SLC4A4: variants seen among roughly 807,000 people sequenced by gnomAD.
The protein encoded by SLC4A4 is solute carrier family 4 member 4.
Under a neutral mutation model 111.5 loss-of-function variants are expected in SLC4A4, and 27 were observed. That is an observed-to-expected ratio of 0.24 (90% CI 0.18 to 0.33). The LOEUF is 0.33. Among genes scored for constraint, SLC4A4 ranks in the 10% least tolerant of loss-of-function variants. The pLI is 1.00. For synonymous variants in SLC4A4, 443 were observed against 463.4 expected, an observed-to-expected ratio of 0.96 and a Z score of 0.57; for missense variants, 909 against 1,315.5, an observed-to-expected ratio of 0.69 and a Z score of 4.78.
chr4:71,234,581 G>A (rs1316629429), intron 1 of SLC4A4, among the ~76,000 whole-genome samples: 2 of 152,074 alleles, frequency 1.3e-5, no homozygotes, highest in South Asian at 2.1e-4. Context: ...GTGTGCCACC[G>A]TGCCTGCTAA....
At chr4:71,406,320 C>T (rs1228913109) in intron 7 of SLC4A4, among the ~76,000 whole-genome samples, 2 of 13,718 alleles carry the variant, frequency 1.5e-4, no homozygotes, top group Admixed American at 4.7e-4. Context: ...GATGAGCCAA[C>T]ACTTTTTTTT....
At chr4:71,418,364 G>A (rs568746767) in intron 7 of SLC4A4, among the ~76,000 whole-genome samples, 2 of 152,268 alleles carry the variant, frequency 1.3e-5, no homozygotes, top group Admixed American at 1.3e-4. Context: ...AAGTAGAAGA[G>A]TATTCAAAAA....
intron 1 of SLC4A4, among the ~76,000 whole-genome samples, chr4:71,194,096 A>G (rs573974319): frequency 2.6e-5 from 4 of 152,324 alleles, no homozygotes; most frequent in East Asian, 3.9e-4. Context: ...CCAATGACCA[A>G]TGGAGATTTG....
chr4:71,282,328 T>G (rs1723587746), intron 3 of SLC4A4, among the ~76,000 whole-genome samples: 1 of 151,864 alleles, frequency 6.6e-6, no homozygotes, highest in Non-Finnish European at 1.5e-5. Flanking sequence ...AGTTTTGCTC[T>G]TGTTGCCCAG....
At chr4:71,402,564 G>T (rs994506598) in intron 7 of SLC4A4, among the ~76,000 whole-genome samples, 1 of 152,176 alleles carries the variant, frequency 6.6e-6, no homozygotes, top group Admixed American at 6.5e-5. Flanking sequence ...TATAATAATT[G>T]TCTTTAGCAT....
chr4:71,294,810 A>G (rs1193193923), intron 3 of SLC4A4, among the ~76,000 whole-genome samples: 2 of 152,224 alleles, frequency 1.3e-5, no homozygotes, highest in East Asian at 1.9e-4. Flanking sequence ...TGCTAGTGAT[A>G]TGTAAAGAAT....
chr4:71,398,229 G>A (rs1038904235), intron 7 of SLC4A4, among the ~76,000 whole-genome samples: 8 of 150,386 alleles, frequency 5.3e-5, no homozygotes, highest in African/African-American at 2.0e-4. Flanking sequence ...AGGTTGCATT[G>A]CACTGAGATC....
chr4:71,064,927 G>A (rs937021237), intron 1 of SLC4A4, among the ~76,000 whole-genome samples: 2 of 152,140 alleles, frequency 1.3e-5, no homozygotes, highest in Non-Finnish European at 2.9e-5. Flanking sequence ...ATTCAATAAG[G>A]TATCCATGCA....
intron 20 of SLC4A4, among the ~76,000 whole-genome samples, chr4:71,551,519 AAAAATTGTCTCTCTTTTACACATAAG>A (rs1309292150): frequency 6.6e-6 from 1 of 151,908 alleles, no homozygotes; most frequent in Non-Finnish European, 1.5e-5. Flanking sequence ...GACACCTACA[AAAAATTGTCTCTCTTTTACACATAAG>A]AAAATTTATT....
chr4:71,540,814 T>A (rs1228724082), intron 18 of SLC4A4, among the ~76,000 whole-genome samples: 2 of 152,124 alleles, frequency 1.3e-5, no homozygotes, highest in Non-Finnish European at 2.9e-5. Flanking sequence ...TATCCAAAGA[T>A]ATGAGCAAAT....
chr4:71,184,405 C>T (rs1221872572), upstream of SLC4A4, among the ~76,000 whole-genome samples: 1 of 152,098 alleles, frequency 6.6e-6, no homozygotes, highest in East Asian at 1.9e-4. Flanking sequence ...TGCTTGTCAT[C>T]GAAACAAAGG....
chr4:71,317,853 T>C (rs531988102), intron 3 of SLC4A4, among the ~76,000 whole-genome samples: 1 of 152,236 alleles, frequency 6.6e-6, no homozygotes, highest in South Asian at 2.1e-4. Flanking sequence ...TGAATACATA[T>C]CATATATGAA....
chr4:71,090,123 C>T (rs1742338269), intron 1 of SLC4A4, among the ~76,000 whole-genome samples: 1 of 152,070 alleles, frequency 6.6e-6, no homozygotes, highest in South Asian at 2.1e-4. Context: ...GCCTCGCTGC[C>T]ACCTTGCAGT....
intron 7 of SLC4A4, among the ~76,000 whole-genome samples, chr4:71,408,644 A>G (rs1000732634): frequency 2.0e-5 from 3 of 152,204 alleles, no homozygotes; most frequent in Non-Finnish European, 2.9e-5. Context: ...TTGAATGCAC[A>G]TTACTCTTGT....
chr4:71,181,630 C>T (rs1244821845), intron 2 of SLC4A4, among the ~76,000 whole-genome samples: 1 of 152,058 alleles, frequency 6.6e-6, no homozygotes, highest in Non-Finnish European at 1.5e-5. Flanking sequence ...TTTTAATGTT[C>T]CAAAAAAGAA....
chr4:71,367,919 G>A (rs1324939661), intron 6 of SLC4A4, among the ~76,000 whole-genome samples: 2 of 152,162 alleles, frequency 1.3e-5, no homozygotes, highest in Non-Finnish European at 2.9e-5. Flanking sequence ...CAAGTCATCA[G>A]TAGCCTTAAA....
chr4:71,249,883 C>CA (rs3039037), intron 2 of SLC4A4, among the ~76,000 whole-genome samples: 99,608 of 143,622 alleles, frequency 0.69, 36,692 homozygotes, highest in Non-Finnish European at 0.84. Context: ...GACTCTGTCT[C>CA]AAAAAAAAAA....
chr4:71,440,911 GACTT>G, intron 8 of SLC4A4, 138 bp downstream of exon 8: 1 of 957,982 alleles, frequency 1.0e-6, no homozygotes, highest in Non-Finnish European at 1.6e-6. Context: ...ATGACTGTTT[GACTT>G]TTATACTGTC....
chr4:71,447,338 A>C (rs955235939), intron 8 of SLC4A4, among the ~76,000 whole-genome samples: 1 of 152,230 alleles, frequency 6.6e-6, no homozygotes, highest in African/African-American at 2.4e-5. Flanking sequence ...AGAGAAAAAA[A>C]GTTTAAAATA....
Sources: allele counts gnomAD v4.1 joint callset (sites outside exome capture counted in the v4.1 genomes callset), GRCh38; gene constraint gnomAD v4.1.1; transcripts MANE v1.5; gene names NCBI Gene and HGNC (gene_info 2026-07-23, HGNC 2026-07-21).